DNAH1: variants seen among roughly 807,000 people sequenced by gnomAD.
DNAH1 encodes dynein axonemal heavy chain 1.
DNAH1 carries 327 observed loss-of-function variants against 484.3 expected under a neutral mutation model. That is an observed-to-expected ratio of 0.68 (90% CI 0.62 to 0.74). The LOEUF (loss-of-function observed/expected upper bound fraction) is 0.74. Among genes scored for constraint, DNAH1 ranks in the 30% least tolerant of loss-of-function variants. The probability of loss-of-function intolerance (pLI) is 0.00; values close to 1 mark genes in which losing one functional copy is unlikely to be tolerated. For synonymous variants in DNAH1, 2,192 were observed against 2,191.9 expected, an observed-to-expected ratio of 1.00 and a Z score of 0.00; for missense variants, 5,052 against 5,546.8, an observed-to-expected ratio of 0.91 and a Z score of 2.83.
At position 52,374,575 on chromosome 3, in the gene DNAH1, A is replaced by G. The variant is rs929201566; in HGVS notation, c.6986-665A>G. The G allele has an allele frequency of 4.3e-5, 65 of 1,503,890 alleles. 1 individual carries two copies. In the South Asian group the frequency reaches 5.3e-4, roughly 12 times the overall value. The allele number at this position is 1,503,890 out of a possible 1,614,324, so 93.2% of individuals were successfully genotyped here. A position where few individuals can be genotyped will look rare whatever the true frequency, so the allele number is the denominator to read the frequency against. On this transcript the variant is annotated intron_variant, in intron 44 of 77. Transcript: ENST00000420323. Reference sequence around the variant, plus strand: ...TTGGCCAAATGTGTCTCCAGCCCACACTTCCAGGTGGCAGAGCGAGCTCTC... The same window carrying G: ...TTGGCCAAATGTGTCTCCAGCCCACGCTTCCAGGTGGCAGAGCGAGCTCTC...
intron 36 of DNAH1, 105 bp downstream of exon 36, chr3:52,366,992 C>T: frequency 8.0e-6 from 11 of 1,368,086 alleles, no homozygotes; most frequent in African/African-American, 2.9e-5. Flanking sequence ...AGGCCGGGCT[C>T]TGCAGCCCAA....
chr3:52,390,526 A>ATAGGCAGAGGCCAGGCG (rs1463110478), intron 60 of DNAH1, among the ~76,000 whole-genome samples: 4 of 152,230 alleles, frequency 2.6e-5, no homozygotes, highest in African/African-American at 9.6e-5. Flanking sequence ...CCAAGAGGCC[A>ATAGGCAGAGGCCAGGCG]TAGGCAGAGG....
chr3:52,383,709 C>T, intron 51 of DNAH1, 115 bp downstream of exon 51: 1 of 1,406,550 alleles, frequency 7.1e-7, no homozygotes, highest in South Asian at 1.5e-5. Context: ...AGACGCGGCC[C>T]TGGGCCTGGC....
At chr3:52,335,538 A>G (rs976438332) in intron 8 of DNAH1, among the ~76,000 whole-genome samples, 3 of 150,860 alleles carry the variant, frequency 2.0e-5, no homozygotes, top group African/African-American at 4.9e-5. Flanking sequence ...TGAACTCCTG[A>G]CCTCAGGTGA....
chr3:52,383,450 T>C lies in DNAH1; in HGVS notation c.8006T>C (p.Leu2669Pro), dbSNP rs1703949249. Residue 2669 changes from leucine to proline, a missense_variant, in exon 51 of 78, where the codon CTG becomes CCG. Transcript: ENST00000420323. ...CTAAACTCTGGTGACATTCCCAATC[T>C]GTATACTGCGGACGAGCAGGACCAG... is the stretch of plus-strand genomic sequence containing the variant. ...NVLNSGDIPN[L>P]YTADEQDQIV... 2 of 1,613,908 alleles carry C rather than the reference T, an allele frequency of 1.2e-6. No homozygotes were observed. Among genetic ancestry groups the C allele is most frequent in the African/African-American group, 2.7e-5 (2 of 74,942 alleles).
At position 52,349,971 on chromosome 3, in the gene DNAH1, G is replaced by C. The variant is rs189852410; in HGVS notation, c.2527-18G>C. ...GGAGCAGCATGCTGCCCTCCCCAGC[G>C]CCTCCTCCCACTGCCAGATCTGCGA... On this transcript the variant is annotated intron_variant, in intron 14 of 77. Transcript: ENST00000420323. 2 of 1,595,688 alleles carry C rather than the reference G, an allele frequency of 1.3e-6. No homozygotes were observed. Among genetic ancestry groups the C allele is most frequent in the African/African-American group, 1.3e-5 (1 of 74,630 alleles).
chr3:52,331,824 C>A (rs945436822), intron 7 of DNAH1, among the ~76,000 whole-genome samples: 11 of 151,996 alleles, frequency 7.2e-5, no homozygotes, highest in African/African-American at 2.7e-4. Flanking sequence ...CAGGGTTTTA[C>A]CACGGTGGCC....
At chr3:52,376,142 G>A in intron 46 of DNAH1, 149 bp downstream of exon 46, 6 of 914,728 alleles carry the variant, frequency 6.6e-6, no homozygotes, top group Non-Finnish European at 9.8e-6. Context: ...CCAGAGCGAA[G>A]GTTGACACAG....
upstream of DNAH1, among the ~76,000 whole-genome samples, chr3:52,315,721 G>A (rs1700927881): frequency 6.6e-6 from 1 of 152,236 alleles, no homozygotes; most frequent in Non-Finnish European, 1.5e-5. Context: ...GTGGGTCATG[G>A]CTCAGCCCCC....
Position 52,368,684 on chromosome 3 carries a change from T to C in DNAH1, c.5766-57T>C. 6.4e-7 allele frequency: 1 copy of C among 1,568,114 alleles called. No individual in the cohort carries two copies. Among genetic ancestry groups the C allele is most frequent in the Non-Finnish European group, 8.7e-7 (1 of 1,148,956 alleles). Reference sequence around the variant, plus strand: ...CGGCCAGGCTTCCCTGGGAGCCAGCTGTGCTCGAAGCACCGCCTCCCTGAT... The same window carrying C: ...CGGCCAGGCTTCCCTGGGAGCCAGCCGTGCTCGAAGCACCGCCTCCCTGAT... On this transcript the variant is annotated intron_variant, in intron 36 of 77. Transcript: ENST00000420323. The surrounding 1 kb of genome is among the most constrained non-coding windows in gnomAD (Gnocchi z 4.4).
At chr3:52,376,869 C>G (rs1165607762) in intron 46 of DNAH1, among the ~76,000 whole-genome samples, 4 of 150,550 alleles carry the variant, frequency 2.7e-5, no homozygotes, top group Non-Finnish European at 5.9e-5. Flanking sequence ...TGTGGCCAGA[C>G]CAGCGGTCAG....
chr3:52,333,434 C>G (rs185420172), intron 8 of DNAH1, among the ~76,000 whole-genome samples: 2 of 146,800 alleles, frequency 1.4e-5, no homozygotes, highest in African/African-American at 5.2e-5. Context: ...GTCACCCAGG[C>G]TGGAGTACAG....
Position 52,346,735 on chromosome 3 carries a change from G to T in DNAH1, c.1920G>T (p.Met640Ile). The change falls in exon 11 of 78, where the codon ATG becomes ATT. Residue 640 changes from methionine (M) to isoleucine (I), a missense_variant. Coordinates refer to ENST00000420323, the MANE Select transcript of DNAH1 (RefSeq NM_015512.5). ...CCSVLNCTDD[M>I]VWGDDLINSP... is the part of the protein sequence containing the mutation. ...GCGTGCTCAACTGCACCGATGACAT[G>T]GTCTGGGGTGACGACTTAATTAACA... The T allele has an allele frequency of 1.2e-6, 2 of 1,609,268 alleles. No homozygotes were observed. Among genetic ancestry groups the T allele is most frequent in the Non-Finnish European group, 1.7e-6 (2 of 1,175,896 alleles).
chr3:52,351,376 CAG>C (rs945109582), intron 16 of DNAH1, among the ~76,000 whole-genome samples: 1 of 152,264 alleles, frequency 6.6e-6, no homozygotes, highest in Non-Finnish European at 1.5e-5. Context: ...TGCTGCCTCA[CAG>C]ATGTTGGGGG....
In DNAH1 at chr3:52,370,575, G is replaced by C; in HGVS notation, c.6357G>C (p.Gly2119=). 6.2e-7 allele frequency: 1 copy of C among 1,613,638 alleles called. No homozygotes were observed. The highest frequency in any genetic ancestry group is 8.5e-7 in the Non-Finnish European group (1 of 1,179,774). The change falls in exon 40 of 78, where the codon GGG becomes GGC. Residue 2119 remains glycine (G), a synonymous_variant. Coordinates refer to ENST00000420323, the MANE Select transcript of DNAH1 (RefSeq NM_015512.5). ...FSLIWSVGAT[G]DSSGRTSFSH... ...TGATCTGGAGCGTGGGTGCCACTGG[G>C]GACAGCAGTGGCCGCACCAGTTTCA... is the stretch of plus-strand genomic sequence containing the variant.
chr3:52,363,674 G>A (rs1423140170), intron 32 of DNAH1, among the ~76,000 whole-genome samples: 1 of 152,196 alleles, frequency 6.6e-6, no homozygotes, highest in Non-Finnish European at 1.5e-5. Context: ...GCAGAGACGA[G>A]TCCCACCTCT....
At position 52,399,671 on chromosome 3, in the gene DNAH1, G is replaced by A. The variant is rs200056328; in HGVS notation, c.12568G>A (p.Glu4190Lys). 2.5e-6 allele frequency: 4 copies of A among 1,614,020 alleles called. No homozygotes were observed. The highest frequency in any genetic ancestry group is 2.7e-5 in the African/African-American group (2 of 75,038). The change falls in exon 77 of 78, where the codon GAG becomes AAG. Residue 4190 changes from glutamate (E) to lysine (K), a missense_variant. Transcript: ENST00000420323. ...AFQLAESQPK[E>K]LYTEMAVIWL... ...CCAGCTGGCTGAGTCTCAGCCCAAG[G>A]AGCTGTACACAGAGATGGCCGTTAT...
Position 52,356,673 on chromosome 3 carries a change from T to A in DNAH1, c.3753T>A (p.Phe1251Leu). ...QRSWLYLEPI[F>L]SSEDINQQLP... ...CCTGGCTCTACCTGGAGCCCATCTT[T>A]AGCTCTGAGGACATCAACCAGCAGC... The change falls in exon 22 of 78, where the codon TTT (phenylalanine) becomes TTA (leucine). Residue 1251 changes from phenylalanine to leucine, a missense_variant. Around this residue, in one of 4 missense-constraint regions of DNAH1, gnomAD observed 2,929 missense variants for 3,409.4 expected, o/e 0.86. Coordinates refer to ENST00000420323, the MANE Select transcript of DNAH1 (RefSeq NM_015512.5). 1 of 1,613,882 alleles carries A rather than the reference T, an allele frequency of 6.2e-7. No individual in the cohort carries two copies. The highest frequency in any genetic ancestry group is 1.1e-5 in the South Asian group (1 of 91,066).
At position 52,394,660 on chromosome 3, in the gene DNAH1, C is replaced by T. The variant is rs142905685; in HGVS notation, c.10822C>T (p.Arg3608Trp). The T allele has an allele frequency of 8.3e-6, 13 of 1,562,092 alleles. No individual in the cohort carries two copies. In the East Asian group the frequency reaches 1.1e-4, roughly 14 times the overall value. ...RVIFDSLEPH[R>W]EPLPGIWDQY... ...CATCTTCGACAGCCTTGAGCCCCAC[C>T]GGTTAGCTGGGCCCCAGAATATGGC... The change falls in exon 67 of 78, where the codon CGG becomes TGG. Residue 3608 changes from arginine to tryptophan, a missense_variant and splice_region_variant. Arg to Trp is a moderately radical substitution (Grantham distance 101). Coordinates refer to ENST00000420323, the MANE Select transcript of DNAH1 (RefSeq NM_015512.5).
Sources: allele counts gnomAD v4.1 joint callset (sites outside exome capture counted in the v4.1 genomes callset), GRCh38; gene constraint gnomAD v4.1.1; regional missense constraint gnomAD v4.1.1; non-coding constraint Gnocchi (gnomAD v3.1); transcripts MANE v1.5; gene names NCBI Gene and HGNC (gene_info 2026-07-23, HGNC 2026-07-21).